The following ACSF3 variants were observed in gnomAD, a reference collection of about 807,000 sequenced individuals.
The protein encoded by ACSF3 is malonate--CoA ligase ACSF3, mitochondrial.
A neutral mutation model predicts 53.2 loss-of-function variants in ACSF3; 78 were observed. The ratio of observed to expected loss-of-function variants is 1.47; its 90% CI spans 1.22 to 1.77. The LOEUF is 1.77. Ranked by LOEUF, ACSF3 falls within the 40% of genes most tolerant of loss-of-function variation. The probability of loss-of-function intolerance (pLI) is 0.00; values close to 1 mark genes in which losing one functional copy is unlikely to be tolerated. For synonymous variants in ACSF3, 414 were observed against 333.1 expected (o/e 1.24, Z -2.65); for missense variants, 937 against 771.1 (o/e 1.22, Z -2.55).
chr16:89,123,968 C>A (rs1907295860), intron 7 of ACSF3, among the ~76,000 whole-genome samples: 1 of 152,072 alleles, frequency 6.6e-6, no homozygotes, highest in African/African-American at 2.4e-5. Flanking sequence ...ACGGATAGCA[C>A]ACGTAGTACG....
chr16:89,104,435 G>A (rs551783701), intron 4 of ACSF3, among the ~76,000 whole-genome samples: 5 of 152,268 alleles, frequency 3.3e-5, no homozygotes, highest in Admixed American at 1.3e-4. Flanking sequence ...ACCAGTGGCC[G>A]GCCCCACACT....
At chr16:89,143,877 G>A (rs1912375828) in intron 8 of ACSF3, among the ~76,000 whole-genome samples, 2 of 137,620 alleles carry the variant, frequency 1.5e-5, no homozygotes, top group Admixed American at 1.4e-4. Flanking sequence ...AAGGAGTGGT[G>A]AGGTGGATGG....
In ACSF3 at chr16:89,155,667, G is replaced by C; in HGVS notation, c.*1460G>C. The C allele has an allele frequency of 4.4e-6, 2 of 454,150 alleles. No homozygotes were observed. The highest frequency in any genetic ancestry group is 1.6e-5 in the South Asian group (1 of 64,484). 28.1% of individuals were successfully genotyped at this position (454,150 alleles called of 1,614,324 possible). A position where few individuals can be genotyped will look rare whatever the true frequency, so the allele number is the denominator to read the frequency against. On this transcript the variant is annotated 3_prime_UTR_variant, in exon 11 of 11. Transcript: ENST00000614302. The stretch of plus-strand genomic sequence containing the variant: ...AACGGCAGTCAGAGACTACAGTCCA[G>C]ACGTTTGTGTCTAGGCCTTGCTGGT...
chr16:89,136,392 G>T (rs990231155), intron 8 of ACSF3, among the ~76,000 whole-genome samples: 7 of 152,180 alleles, frequency 4.6e-5, no homozygotes, highest in African/African-American at 1.7e-4. Context: ...TGGCTCTCGG[G>T]GGTAAGGCCT....
chr16:89,117,616 G>A (rs1476669029), intron 6 of ACSF3, among the ~76,000 whole-genome samples: 4 of 151,558 alleles, frequency 2.6e-5, no homozygotes, highest in African/African-American at 9.7e-5. Context: ...GTCAGGAGCA[G>A]CCCAGGGACC....
rs1914430687 is a variant in ACSF3, at chr16:89,154,016, ACTGCTGGGCGCCTGAGTTCCTC to A, written c.1614-64_1614-43del. On this transcript the variant is annotated intron_variant, in intron 10 of 10. Coordinates refer to ENST00000614302, the MANE Select transcript of ACSF3 (RefSeq NM_001243279.3). ...CAGGGTCCCAGGGGCACCTGTCCGT[ACTGCTGGGCGCCTGAGTTCCTC>A]CTGCTGGGCACTGTCAGGGCAGTGC... The A allele has an allele frequency of 1.3e-5, 19 of 1,491,338 alleles. No homozygotes were observed. In the South Asian group the frequency reaches 2.2e-4, roughly 17 times the overall value. The allele number at this position is 1,491,338 out of a possible 1,614,324, so 92.4% of individuals were successfully genotyped here.
chr16:89,100,277 C>T (rs1975117371), intron 2 of ACSF3, among the ~76,000 whole-genome samples: 1 of 152,274 alleles, frequency 6.6e-6, no homozygotes, highest in African/African-American at 2.4e-5. Context: ...CTGTGCTGAG[C>T]TCTTCTCTGC....
chr16:89,121,630 A>G (rs749632628), intron 7 of ACSF3, among the ~76,000 whole-genome samples: 2 of 152,204 alleles, frequency 1.3e-5, no homozygotes, highest in African/African-American at 2.4e-5. Context: ...ACCTGATACC[A>G]CACATGATTG....
rs1914556976 is a variant in ACSF3, at chr16:89,154,953, C to G, written c.*746C>G. 2.2e-6 allele frequency: 1 copy of G among 453,866 alleles called. No individual in the cohort carries two copies. Among genetic ancestry groups the G allele is most frequent in the South Asian group, 1.6e-5 (1 of 64,478 alleles). The allele number at this position is 453,866 out of a possible 1,614,324, so 28.1% of individuals were successfully genotyped here. A position where few individuals can be genotyped will look rare whatever the true frequency, so the allele number is the denominator to read the frequency against. On this transcript the variant is annotated 3_prime_UTR_variant, in exon 11 of 11. Coordinates refer to ENST00000614302, the MANE Select transcript of ACSF3 (RefSeq NM_001243279.3). ...ACCAGCCCCTCAGCCGGTGAACCCT[C>G]TCTCCCATCACCGTCTCCACCCAGA...
At chr16:89,147,522 AGC>A (rs1491273055) in intron 10 of ACSF3, 1 of 4,312 alleles carries the variant, frequency 2.3e-4, no homozygotes, top group Admixed American at 2.4e-3. Context: ...TCACAGAGTG[AGC>A]GGGGGGGGGG....
chr16:89,144,699 C>T (rs1912554134), intron 8 of ACSF3, among the ~76,000 whole-genome samples: 1 of 152,224 alleles, frequency 6.6e-6, no homozygotes, highest in Non-Finnish European at 1.5e-5. Flanking sequence ...TGCTGCAGTC[C>T]CAGGGGCTCC....
In ACSF3 at chr16:89,155,986, G is replaced by A. The variant is rs1314640812; in HGVS notation, c.*1779G>A. On this transcript the variant is annotated 3_prime_UTR_variant, in exon 11 of 11. Coordinates refer to ENST00000614302, the MANE Select transcript of ACSF3 (RefSeq NM_001243279.3). ...GTTGACCACAAACTACAGAAAGCCT[G>A]GAGCTCGTTGACCAGCCGGTTGACC... The A allele has an allele frequency of 5.5e-6, 2 of 360,980 alleles. No individual in the cohort carries two copies. The highest frequency in any genetic ancestry group is 7.3e-5 in the East Asian group (1 of 13,684). 22.4% of individuals were successfully genotyped at this position (360,980 alleles called of 1,614,324 possible). A position where few individuals can be genotyped will look rare whatever the true frequency, so the allele number is the denominator to read the frequency against.
At chr16:89,142,989 G>T (rs557014266) in intron 8 of ACSF3, among the ~76,000 whole-genome samples, 1 of 152,256 alleles carries the variant, frequency 6.6e-6, no homozygotes, top group African/African-American at 2.4e-5. Flanking sequence ...TGCCGACGTT[G>T]GCGTGACTCA....
chr16:89,102,167 G>T (rs902186814), intron 3 of ACSF3, among the ~76,000 whole-genome samples: 1 of 152,224 alleles, frequency 6.6e-6, no homozygotes, highest in Non-Finnish European at 1.5e-5. Flanking sequence ...GTTCTGTCCC[G>T]GCTGAGCAGG....
At chr16:89,110,541 CTG>C (rs1190831572) in intron 4 of ACSF3, among the ~76,000 whole-genome samples, 27 of 152,214 alleles carry the variant, frequency 1.8e-4, no homozygotes, top group African/African-American at 5.8e-4. Flanking sequence ...CAGCATCACA[CTG>C]TGTTCGTTAC....
Position 89,101,077 on chromosome 16 carries a change from C to A in ACSF3, c.396C>A (p.Ala132=), listed in dbSNP as rs1160790342. The A allele has an allele frequency of 1.9e-6, 3 of 1,614,068 alleles. No individual in the cohort carries two copies. The highest frequency in any genetic ancestry group is 2.5e-6 in the Non-Finnish European group (3 of 1,180,016). The change falls in exon 3 of 11, where the codon GCC becomes GCA. Residue 132 remains alanine, a synonymous_variant. Coordinates refer to ENST00000614302, the MANE Select transcript of ACSF3 (RefSeq NM_001243279.3). ...AVPLYRKHPA[A]QLEYVICDSQ... is the part of the protein sequence containing the mutation. Reference sequence around the variant, plus strand: ...CCCTCTACAGGAAGCATCCCGCGGCCCAGCTGGAGTATGTCATCTGCGACT... The same window carrying A: ...CCCTCTACAGGAAGCATCCCGCGGCACAGCTGGAGTATGTCATCTGCGACT...
At chr16:89,094,619 G>A (rs1305786746) in intron 1 of ACSF3, among the ~76,000 whole-genome samples, 1 of 152,236 alleles carries the variant, frequency 6.6e-6, no homozygotes, top group Admixed American at 6.5e-5. Flanking sequence ...CAGGCCAGGT[G>A]CAGTGGCTCA....
intron 6 of ACSF3, among the ~76,000 whole-genome samples, chr16:89,115,802 C>T (rs970077056): frequency 1.8e-4 from 28 of 152,294 alleles, no homozygotes; most frequent in Admixed American, 1.8e-3. Flanking sequence ...TGATGGGTGG[C>T]GTTGAGCACC....
intron 1 of ACSF3, among the ~76,000 whole-genome samples, chr16:89,098,209 T>G (rs1400246939): frequency 6.6e-6 from 1 of 152,266 alleles, no homozygotes; most frequent in African/African-American, 2.4e-5. Context: ...TGTCATGAAG[T>G]TTGTTTTGTT....
Sources: gnomAD v4.1 joint callset for allele counts (sites outside exome capture counted in the v4.1 genomes callset) on GRCh38, gnomAD v4.1.1 for gene constraint, MANE v1.5 for transcripts, NCBI Gene and HGNC (gene_info 2026-07-23, HGNC 2026-07-21) for gene names.